DHX58: variants seen among roughly 807,000 people sequenced by gnomAD.
The protein encoded by DHX58 is ATP-dependent RNA helicase DHX58.
In DHX58, 51 loss-of-function variants were observed where a neutral mutation model predicts 65.0. That is an observed-to-expected ratio of 0.78 (90% confidence interval 0.63 to 0.99). The LOEUF (loss-of-function observed/expected upper bound fraction) is 0.99, where lower values mean the gene tolerates loss of function less well. DHX58 is among the 50% of genes least tolerant of loss of function. The probability of loss-of-function intolerance (pLI) is 0.00; values close to 1 mark genes in which losing one functional copy is unlikely to be tolerated. For synonymous variants in DHX58, 350 were observed against 365.0 expected (o/e 0.96, Z 0.47); for missense variants, 773 against 891.8 (o/e 0.87, Z 1.70).
At chr17:42,109,028 G>A (rs1193453993) in intron 6 of DHX58, among the ~76,000 whole-genome samples, 3 of 152,250 alleles carry the variant, frequency 2.0e-5, no homozygotes, top group Non-Finnish European at 4.4e-5. Flanking sequence ...CTGGTTTGTA[G>A]TGCACTCCCC....
chr17:42,103,848 C>T (rs1555662042), intron 11 of DHX58, 50 bp from the exon 12 acceptor site: 1 of 1,559,434 alleles, frequency 6.4e-7, no homozygotes, highest in Non-Finnish European at 8.6e-7. Flanking sequence ...GAGAACGTTC[C>T]TTGGGGGACA....
At position 42,104,861 on chromosome 17, in the gene DHX58, G is replaced by C; in HGVS notation, c.1468C>G (p.Leu490Val). The change falls in exon 11 of 14, where the codon CTG becomes GTG. Residue 490 changes from leucine (L) to valine (V), a missense_variant. Physicochemically the swap from Leu to Val is conservative, Grantham distance 32. Coordinates refer to ENST00000251642, the MANE Select transcript of DHX58 (RefSeq NM_024119.3). The part of the protein sequence containing the change: ...AFVATEGSRE[L>V]KRELINEALE... ...GCCTCGTTGATCAGCTCCCGCTTCA[G>C]CTCCCGGCTACCTTCAGTTGCTACA... is the stretch of plus-strand genomic sequence containing the variant. The C allele has an allele frequency of 6.2e-7, 1 of 1,614,166 alleles. No individual in the cohort carries two copies. The highest frequency in any genetic ancestry group is 8.5e-7 in the Non-Finnish European group (1 of 1,180,022).
chr17:42,105,791 C>G lies in DHX58; in HGVS notation c.1196G>C (p.Arg399Pro), dbSNP rs201235598. The change falls in exon 9 of 14, where the codon CGG (arginine) becomes CCG (proline). Residue 399 changes from arginine (R) to proline (P), a missense_variant. Coordinates refer to ENST00000251642, the MANE Select transcript of DHX58 (RefSeq NM_024119.3). ...QQQGLQTVDIRAQLLIGAGNS... is the reference protein window; with the variant it reads ...QQQGLQTVDIPAQLLIGAGNS... ...CCCAGCCCCAATCAGTAGCTGGGCCCGGATGTCCACAGTCTGCAGGCCCTG... is the reference window on the plus strand; with the variant it reads ...CCCAGCCCCAATCAGTAGCTGGGCCGGGATGTCCACAGTCTGCAGGCCCTG... The G allele has an allele frequency of 1.2e-6, 2 of 1,611,850 alleles. No individual in the cohort carries two copies. The highest frequency in any genetic ancestry group is 1.3e-5 in the African/African-American group (1 of 74,866).
In DHX58 at chr17:42,108,509, G is replaced by A. The variant is rs550563651; in HGVS notation, c.679-401C>T. On this transcript the variant is annotated intron_variant, in intron 6 of 13. Coordinates refer to ENST00000251642, the MANE Select transcript of DHX58 (RefSeq NM_024119.3). ...AAACTGCCCTGCTGACGCTGTTCAC[G>A]GAGCTTGGTTCAGCTCGGCACGGCA... 3.7e-4 allele frequency among the ~76,000 whole-genome samples: 56 copies of A among 152,330 alleles called. No homozygotes were observed. In the East Asian group the frequency reaches 0.01, roughly 27 times the overall value.
At chr17:42,107,914 GC>G in intron 7 of DHX58, 67 bp downstream of exon 7, 1 of 1,579,436 alleles carries the variant, frequency 6.3e-7, no homozygotes, top group South Asian at 1.1e-5. Flanking sequence ...AAAGGCCTCC[GC>G]CCCGGCAGGC....
intron 5 of DHX58, 103 bp downstream of exon 5, chr17:42,110,620 G>A: frequency 7.5e-7 from 1 of 1,337,898 alleles, no homozygotes; most frequent in Non-Finnish European, 1.0e-6. Flanking sequence ...GCCATGGAGA[G>A]CCTGGTAGGG....
At chr17:42,104,504 C>T (rs1196450720) in intron 11 of DHX58, among the ~76,000 whole-genome samples, 2 of 152,134 alleles carry the variant, frequency 1.3e-5, no homozygotes, top group Non-Finnish European at 2.9e-5. Flanking sequence ...TGTAATGCAG[C>T]TCTTCCAGAT....
At position 42,110,408 on chromosome 17, in the gene DHX58, T is replaced by C. The variant is rs542589417; in HGVS notation, c.561+315A>G. ...ATGGTAAATGCAAAGGTCCCCGAGA[T>C]GGAACAAGCCCTACATGTTCAACAT... is the stretch of plus-strand genomic sequence containing the variant. On this transcript the variant is annotated intron_variant, in intron 5 of 13. Transcript: ENST00000251642. Among the ~76,000 whole-genome samples, 8 of 151,974 alleles carry C rather than the reference T, an allele frequency of 5.3e-5. No homozygotes were observed. The South Asian group carries it at 8.4e-4, about 16-fold the overall frequency.
chr17:42,105,084 C>T lies in DHX58; in HGVS notation c.1335G>A (p.Leu445=). ...LVATSVAEEG[L]DIPHCNVVVR... ...CCACCACATTGCAATGTGGGATGTC[C>T]AGCCCCTCCTCCGCCACACTCGTGG... Residue 445 remains leucine (L), a synonymous_variant, in exon 10 of 14, where the codon CTG becomes CTA. Coordinates refer to ENST00000251642, the MANE Select transcript of DHX58 (RefSeq NM_024119.3). The T allele has an allele frequency of 1.2e-6, 2 of 1,613,934 alleles. No individual in the cohort carries two copies. Among genetic ancestry groups the T allele is most frequent in the African/African-American group, 1.3e-5 (1 of 75,028 alleles).
At chr17:42,108,345 G>A (rs1027233774) in intron 6 of DHX58, among the ~76,000 whole-genome samples, 43 of 152,306 alleles carry the variant, frequency 2.8e-4, no homozygotes, top group African/African-American at 9.4e-4. Context: ...GCACATGGAC[G>A]TGCTTTGGTC....
chr17:42,103,343 G>C (rs2054006305), intron 12 of DHX58: 1 of 506,316 alleles, frequency 2.0e-6, no homozygotes, highest in Non-Finnish European at 3.5e-6. Context: ...TCAATGTGTG[G>C]TCTTTTGACA....
rs782002552 is a variant in DHX58, at chr17:42,109,250, G to A, written c.678+20C>T. The A allele has an allele frequency of 7.5e-6, 12 of 1,601,574 alleles. No individual in the cohort carries two copies. Among genetic ancestry groups the A allele is most frequent in the African/African-American group, 1.3e-5 (1 of 74,752 alleles). On this transcript the variant is annotated intron_variant, in intron 6 of 13. Coordinates refer to ENST00000251642, the MANE Select transcript of DHX58 (RefSeq NM_024119.3). ...CTTCACACCGGCTCCCGCTCTCGCC[G>A]TGTCCCTGCCCCCGCGTACCTGGCT...
rs2054158872 is a variant in DHX58, at chr17:42,111,722, C to T, written c.168+3G>A. ...GAGAGCGGGGTAGGGACAGACCACTCACCCTGTTGACCAATACAACCACCT... is the reference window on the plus strand; with the variant it reads ...GAGAGCGGGGTAGGGACAGACCACTTACCCTGTTGACCAATACAACCACCT... On this transcript the variant is annotated splice_donor_region_variant and intron_variant, in intron 3 of 13. Coordinates refer to ENST00000251642, the MANE Select transcript of DHX58 (RefSeq NM_024119.3). The T allele has an allele frequency of 6.2e-7, 1 of 1,607,260 alleles. No individual in the cohort carries two copies. Among genetic ancestry groups the T allele is most frequent in the African/African-American group, 1.3e-5 (1 of 74,826 alleles).
chr17:42,104,569 C>G (rs1337685497), intron 11 of DHX58, among the ~76,000 whole-genome samples, 197 bp downstream of exon 11: 1 of 152,202 alleles, frequency 6.6e-6, no homozygotes, highest in African/African-American at 2.4e-5. Context: ...AGGCCTGTTC[C>G]CAAGGCCTTC....
intron 5 of DHX58, among the ~76,000 whole-genome samples, chr17:42,109,827 G>A (rs1408237039): frequency 6.6e-6 from 1 of 151,828 alleles, no homozygotes; most frequent in Non-Finnish European, 1.5e-5. Flanking sequence ...CCCGGGAGGT[G>A]GAGGTTGCAG....
At position 42,111,465 on chromosome 17, in the gene DHX58, G is replaced by A; in HGVS notation, c.201C>T (p.Phe67=). 6.2e-7 allele frequency: 1 copy of A among 1,614,122 alleles called. No individual in the cohort carries two copies. The highest frequency in any genetic ancestry group is 8.5e-7 in the Non-Finnish European group (1 of 1,180,016). The part of the protein sequence containing the change: ...VHLVTQHGEE[F]RRMLDGRWTV... ...TCCAGCGTCCATCCAGCATGCGCCT[G>A]AACTCTTCACCATGCTGGGTCACCA... is the stretch of plus-strand genomic sequence containing the variant. Residue 67 remains phenylalanine (F), a synonymous_variant, in exon 4 of 14, where the codon TTC becomes TTT. Transcript: ENST00000251642.
In DHX58 at chr17:42,110,916, G is replaced by A. The variant is rs782013993; in HGVS notation, c.371-3C>T. The stretch of plus-strand genomic sequence containing the variant: ...ATCCACCACGATCAGGGAGAAGACT[G>A]AGGGCACAGGGGGGAAGGCTGTGAC... On this transcript the variant is annotated splice_polypyrimidine_tract_variant and splice_region_variant and intron_variant, in intron 4 of 13. Coordinates refer to ENST00000251642, the MANE Select transcript of DHX58 (RefSeq NM_024119.3). 1.3e-6 allele frequency: 2 copies of A among 1,599,910 alleles called. No individual in the cohort carries two copies. Among genetic ancestry groups the A allele is most frequent in the Admixed American group, 3.4e-5 (2 of 58,444 alleles).
intron 12 of DHX58, 96 bp from the exon 13 acceptor site, chr17:42,102,408 G>A: frequency 9.2e-7 from 1 of 1,085,184 alleles, no homozygotes; most frequent in Non-Finnish European, 1.4e-6. Flanking sequence ...TGGACCTTGG[G>A]CCTTCCTGCT....
intron 4 of DHX58, 93 bp from the exon 5 acceptor site, chr17:42,111,006 C>A (rs1360260330): frequency 2.3e-5 from 32 of 1,395,654 alleles, no homozygotes; most frequent in Admixed American, 4.6e-5. Flanking sequence ...GTAAGAATTC[C>A]TTCTTCCCTT....
Sources: gnomAD v4.1 joint callset for allele counts (sites outside exome capture counted in the v4.1 genomes callset) on GRCh38, gnomAD v4.1.1 for gene constraint, MANE v1.5 for transcripts, NCBI Gene and HGNC (gene_info 2026-07-23, HGNC 2026-07-21) for gene names.